TMTC3: variants seen among roughly 807,000 people sequenced by gnomAD.
TMTC3 encodes the protein protein O-mannosyl-transferase TMTC3.
TMTC3 carries 52 observed loss-of-function variants against 92.2 expected under a neutral mutation model. That is an observed-to-expected ratio of 0.56 (90% CI 0.45 to 0.71). TMTC3 has a LOEUF of 0.71. TMTC3 is among the 30% of genes least tolerant of loss of function. The pLI is 0.00. For missense variants in TMTC3, 896 were observed against 1,057.1 expected (o/e 0.85, Z 2.11); for synonymous variants, 339 against 363.3 (o/e 0.93, Z 0.76).
chr12:88,149,470 A>G (rs894030431), intron 2 of TMTC3, among the ~76,000 whole-genome samples: 1 of 152,166 alleles, frequency 6.6e-6, no homozygotes, highest in Admixed American at 6.5e-5. Context: ...TCTGGGGGAT[A>G]TTGATTTCTA....
intron 4 of TMTC3, among the ~76,000 whole-genome samples, chr12:88,156,811 GTT>G (rs56284816): frequency 3.4e-4 from 47 of 136,740 alleles, no homozygotes; most frequent in African/African-American, 1.2e-3. Context: ...GTGTGTGTGT[GTT>G]TTTTTTTTTT....
chr12:88,177,975 T>C (rs1363560578), intron 10 of TMTC3, among the ~76,000 whole-genome samples: 1 of 152,126 alleles, frequency 6.6e-6, no homozygotes, highest in African/African-American at 2.4e-5. Context: ...GGAGCCAGGG[T>C]CTGTGATCCA....
chr12:88,155,885 C>T (rs1230605550), intron 4 of TMTC3, among the ~76,000 whole-genome samples: 5 of 152,008 alleles, frequency 3.3e-5, no homozygotes, highest in Admixed American at 6.6e-5. Flanking sequence ...CTGAGGTGGG[C>T]GGATCACATT....
At chr12:88,151,546 T>G (rs1489177057) in intron 2 of TMTC3, among the ~76,000 whole-genome samples, 1 of 152,196 alleles carries the variant, frequency 6.6e-6, no homozygotes, top group African/African-American at 2.4e-5. Context: ...CACAGTGGAA[T>G]CTGAAATAGA....
chr12:88,146,773 CT>C (rs2040880977), intron 1 of TMTC3, among the ~76,000 whole-genome samples: 1 of 150,672 alleles, frequency 6.6e-6, no homozygotes, highest in Admixed American at 6.6e-5. Flanking sequence ...GGAAATAAAA[CT>C]TGAAACTATA....
At chr12:88,144,955 G>T (rs2040854345) in intron 1 of TMTC3, among the ~76,000 whole-genome samples, 5 of 152,140 alleles carry the variant, frequency 3.3e-5, no homozygotes, top group Admixed American at 3.3e-4. Flanking sequence ...GTTGTAAGTG[G>T]CCTTGTTATA....
intron 10 of TMTC3, among the ~76,000 whole-genome samples, chr12:88,179,995 C>T (rs2041299471): frequency 6.6e-6 from 1 of 152,108 alleles, no homozygotes; most frequent in Non-Finnish European, 1.5e-5. Flanking sequence ...TTTGCAAAAC[C>T]TCCTGGCCTT....
chr12:88,192,028 C>CTTTTTTTTTTTTTT (rs112229647), intron 12 of TMTC3, among the ~76,000 whole-genome samples: 6 of 123,034 alleles, frequency 4.9e-5, no homozygotes, highest in South Asian at 2.6e-4. Context: ...TTTTTTTTTT[C>CTTTTTTTTTTTTTT]TTTTTTTTTT....
intron 1 of TMTC3, among the ~76,000 whole-genome samples, chr12:88,146,704 T>C (rs1283713367): frequency 6.6e-6 from 1 of 150,578 alleles, no homozygotes; most frequent in Non-Finnish European, 1.5e-5. Flanking sequence ...TTTAAGTACT[T>C]CAGATGCCTA....
Position 88,176,225 on chromosome 12 carries a change from C to G in TMTC3, c.1338C>G (p.Ala446=). Reference sequence around the variant, plus strand: ...TATTTAAGGTAAATAAAAATAATGCCAAACTTTGGAATAATGTGGGTCATG... The same window carrying G: ...TATTTAAGGTAAATAAAAATAATGCGAAACTTTGGAATAATGTGGGTCATG... ...MSALKVNKNN[A]KLWNNVGHAL... The change falls in exon 10 of 14, where the codon GCC becomes GCG. Residue 446 remains alanine (A), a synonymous_variant. Transcript: ENST00000266712. 6.2e-7 allele frequency: 1 copy of G among 1,606,772 alleles called. No individual in the cohort carries two copies. The highest frequency in any genetic ancestry group is 8.5e-7 in the Non-Finnish European group (1 of 1,176,930).
At chr12:88,144,330 G>T (rs1309650623) in intron 1 of TMTC3, among the ~76,000 whole-genome samples, 1 of 151,988 alleles carries the variant, frequency 6.6e-6, no homozygotes, top group Non-Finnish European at 1.5e-5. Context: ...CTGAGCACAT[G>T]TTATGTCATA....
rs1166752957 is a variant in TMTC3, at chr12:88,153,322, C to G, written c.221C>G (p.Thr74Arg). The change falls in exon 3 of 14, where the codon ACA (threonine) becomes AGA (arginine). Residue 74 changes from threonine (T) to arginine (R), a missense_variant. Coordinates refer to ENST00000266712, the MANE Select transcript of TMTC3 (RefSeq NM_181783.4). ...ERSHKSYRPL[T>R]VLTFRLNYLL... ...AGCCACAAGTCTTACCGTCCCTTAA[C>G]AGTATTGACATTTCGCTTAAATTAT... is the stretch of plus-strand genomic sequence containing the variant. 6.2e-7 allele frequency: 1 copy of G among 1,612,918 alleles called. No homozygotes were observed. Among genetic ancestry groups the G allele is most frequent in the South Asian group, 1.1e-5 (1 of 90,964 alleles).
At chr12:88,179,847 A>C (rs1195756256) in intron 10 of TMTC3, among the ~76,000 whole-genome samples, 1 of 152,196 alleles carries the variant, frequency 6.6e-6, no homozygotes, top group Non-Finnish European at 1.5e-5. Flanking sequence ...GCAAATGATC[A>C]AAGATTGGTT....
chr12:88,180,349 T>C lies in TMTC3; in HGVS notation c.1432+4030T>C, dbSNP rs185366068. ...TGTTAATCCCTCCTAGCCAAGCAGT[T>C]ACGTTATTAGAGGCCGGGAAGGGGG... On this transcript the variant is annotated intron_variant, in intron 10 of 13. Coordinates refer to ENST00000266712, the MANE Select transcript of TMTC3 (RefSeq NM_181783.4). Among the ~76,000 whole-genome samples the C allele has an allele frequency of 9.9e-5, 15 of 152,198 alleles. No individual in the cohort carries two copies. The East Asian group carries it at 2.9e-3, about 29-fold the overall frequency.
rs895432578 is a variant in TMTC3, at chr12:88,198,294, CTGATCA to C, written c.*2647_*2652del. On this transcript the variant is annotated 3_prime_UTR_variant, in exon 14 of 14. Coordinates refer to ENST00000266712, the MANE Select transcript of TMTC3 (RefSeq NM_181783.4). ...GTTCACTAACCTATGGTTCAGAGTTCTGATCATATGGAAGTTTGGAAAAGAGAGCTT... is the reference window on the plus strand; with the variant it reads ...GTTCACTAACCTATGGTTCAGAGTTCTATGGAAGTTTGGAAAAGAGAGCTT... 108 of 397,440 alleles carry C rather than the reference CTGATCA, an allele frequency of 2.7e-4. 1 individual carries two copies. Among genetic ancestry groups the C allele is most frequent in the Admixed American group, 1.4e-3 (32 of 22,626 alleles). 24.6% of individuals were successfully genotyped at this position (397,440 alleles called of 1,614,324 possible). A position where few individuals can be genotyped will look rare whatever the true frequency, so the allele number is the denominator to read the frequency against.
intron 1 of TMTC3, among the ~76,000 whole-genome samples, chr12:88,143,124 A>G (rs1042653619): frequency 1.3e-5 from 2 of 151,604 alleles, no homozygotes; most frequent in Non-Finnish European, 2.9e-5. Context: ...TTAAATCTAA[A>G]TGACATTTCC....
chr12:88,182,724 TTC>T lies in TMTC3; in HGVS notation c.1433-6117_1433-6116del, dbSNP rs142568747. ...AATGAATAATCTTGTATTTAGGAAA[TTC>T]TTTTCTACTTGGGAGCAAAGCCTGA... On this transcript the variant is annotated intron_variant, in intron 10 of 13. Coordinates refer to ENST00000266712, the MANE Select transcript of TMTC3 (RefSeq NM_181783.4). Among the ~76,000 whole-genome samples, 877 of 152,282 alleles carry T rather than the reference TTC, an allele frequency of 5.8e-3. 11 individuals carry two copies. Among genetic ancestry groups the T allele is most frequent in the African/African-American group, 0.02 (835 of 41,554 alleles).
rs1437500551 is a variant in TMTC3 at position 88,199,671 on chromosome 12, G to T, written c.*4022G>T. On this transcript the variant is annotated 3_prime_UTR_variant, in exon 14 of 14. Transcript: ENST00000266712. ...TGCATAACTGAGACACCTTAAAATTGTACTACCTTGTGCTGTTCACTGCCA... is the reference window on the plus strand; with the variant it reads ...TGCATAACTGAGACACCTTAAAATTTTACTACCTTGTGCTGTTCACTGCCA... 1 of 152,114 alleles carries T rather than the reference G, an allele frequency of 6.6e-6. No homozygotes were observed. The highest frequency in any genetic ancestry group is 1.5e-5 in the Non-Finnish European group (1 of 68,024). 9.4% of individuals were successfully genotyped at this position (152,114 alleles called of 1,614,324 possible). A position where few individuals can be genotyped will look rare whatever the true frequency, so the allele number is the denominator to read the frequency against.
chr12:88,153,830 T>A (rs1426368849), intron 3 of TMTC3, among the ~76,000 whole-genome samples: 1 of 152,134 alleles, frequency 6.6e-6, no homozygotes, highest in Non-Finnish European at 1.5e-5. Context: ...CTAAGGACTA[T>A]TTAAAGTTTA....
Sources: allele counts gnomAD v4.1 joint callset (sites outside exome capture counted in the v4.1 genomes callset), GRCh38; gene constraint gnomAD v4.1.1; transcripts MANE v1.5; gene names NCBI Gene and HGNC (gene_info 2026-07-23, HGNC 2026-07-21).